Variants in PAPPA2 observed in about 807,000 individuals in gnomAD.
PAPPA2 encodes the protein pappalysin-2.
A neutral mutation model predicts 176.4 loss-of-function variants in PAPPA2; 86 were observed. The ratio of observed to expected loss-of-function variants is 0.49; its 90% CI spans 0.41 to 0.58. The LOEUF is 0.58. PAPPA2 is among the 20% of genes least tolerant of loss of function. The pLI is 0.00. For missense variants in PAPPA2, 2,073 were observed against 2,256.9 expected (o/e 0.92, Z 1.65); for synonymous variants, 809 against 852.2 (o/e 0.95, Z 0.88).
At position 176,840,163 on chromosome 1, in the gene PAPPA2, C is replaced by T. The variant is rs1210385219; in HGVS notation, c.5203-10C>T. 1 of 1,608,130 alleles carries T rather than the reference C, an allele frequency of 6.2e-7. No homozygotes were observed. The highest frequency in any genetic ancestry group is 2.2e-5 in the East Asian group (1 of 44,810). ...CTATACTGAGATGTTGCCTTCTAAC[C>T]TCCCTACAGCCCTTCCAAGCAGATG... is the stretch of plus-strand genomic sequence containing the variant. On this transcript the variant is annotated splice_polypyrimidine_tract_variant and intron_variant, in intron 21 of 22. Transcript: ENST00000367662.
intron 1 of PAPPA2, among the ~76,000 whole-genome samples, chr1:176,534,935 G>T (rs1649991605): frequency 6.6e-6 from 1 of 152,120 alleles, no homozygotes; most frequent in South Asian, 2.1e-4. Context: ...TTTGCAAATT[G>T]CTGAATGTCT....
chr1:176,643,937 A>T (rs1307204009), intron 3 of PAPPA2, among the ~76,000 whole-genome samples: 1 of 151,846 alleles, frequency 6.6e-6, no homozygotes, highest in Non-Finnish European at 1.5e-5. Context: ...CTTGCAGCAG[A>T]GGAGAAGGTG....
At chr1:176,489,336 A>G (rs1003695323) in intron 1 of PAPPA2, among the ~76,000 whole-genome samples, 1 of 152,180 alleles carries the variant, frequency 6.6e-6, no homozygotes, top group Non-Finnish European at 1.5e-5. Context: ...ACTCTAATGT[A>G]TGGGATTTTA....
chr1:176,664,639 A>C (rs1001495608), intron 3 of PAPPA2, among the ~76,000 whole-genome samples: 2 of 152,170 alleles, frequency 1.3e-5, no homozygotes, highest in African/African-American at 2.4e-5. Context: ...TATACTGACT[A>C]CCTTAAAATA....
At chr1:176,802,961 G>C (rs1665746516) in intron 21 of PAPPA2, among the ~76,000 whole-genome samples, 1 of 152,138 alleles carries the variant, frequency 6.6e-6, no homozygotes, top group Non-Finnish European at 1.5e-5. Flanking sequence ...GTTGCTGCTT[G>C]TGTTCCCATT....
intron 1 of PAPPA2, among the ~76,000 whole-genome samples, chr1:176,498,697 C>T (rs1006827196): frequency 1.3e-5 from 2 of 151,348 alleles, no homozygotes; most frequent in Non-Finnish European, 2.9e-5. Flanking sequence ...TTGCAGTGAG[C>T]CGAGATCGCA....
chr1:176,573,872 G>A (rs908462407), intron 2 of PAPPA2, among the ~76,000 whole-genome samples: 1 of 152,074 alleles, frequency 6.6e-6, no homozygotes, highest in Non-Finnish European at 1.5e-5. Context: ...GGGCAGAGCT[G>A]TGCTAGGTCA....
intron 2 of PAPPA2, among the ~76,000 whole-genome samples, chr1:176,582,046 C>T (rs1653011313): frequency 6.6e-6 from 1 of 151,166 alleles, no homozygotes; most frequent in South Asian, 2.1e-4. Context: ...ACCTCAGCCT[C>T]CCGAGTAGCT....
At chr1:176,690,694 A>G (rs1005974777) in intron 5 of PAPPA2, 3 of 1,262,394 alleles carry the variant, frequency 2.4e-6, no homozygotes, top group Non-Finnish European at 2.0e-6. Context: ...ATAGTAAAAA[A>G]GGCACAGAGC....
At chr1:176,469,702 C>T (rs184762309) in intron 1 of PAPPA2, among the ~76,000 whole-genome samples, 1 of 152,262 alleles carries the variant, frequency 6.6e-6, no homozygotes, top group Admixed American at 6.5e-5. Flanking sequence ...TGTTTTATAG[C>T]AAGACTCTGC....
chr1:176,573,285 A>G (rs902224943), intron 2 of PAPPA2, among the ~76,000 whole-genome samples: 10 of 152,168 alleles, frequency 6.6e-5, no homozygotes, highest in African/African-American at 2.2e-4. Context: ...ATGAATTCCT[A>G]TTTTTGTTTA....
rs781397911 is a variant in PAPPA2, at chr1:176,656,121, A to G, written c.1992-14849A>G. ...CTCTCTTTGCTGGTTCCCTGAGCAC[A>G]GGTCCCAGCAACTTAACATATCATC... On this transcript the variant is annotated intron_variant, in intron 3 of 22. Transcript: ENST00000367662. Among the ~76,000 whole-genome samples the G allele has an allele frequency of 8.6e-4, 131 of 151,986 alleles. 1 individual carries two copies. The highest frequency in any genetic ancestry group is 3.4e-3 in the Middle Eastern group (1 of 294).
At chr1:176,553,250 G>A (rs893144148) in intron 1 of PAPPA2, among the ~76,000 whole-genome samples, 2 of 140,470 alleles carry the variant, frequency 1.4e-5, no homozygotes, top group African/African-American at 2.6e-5. Flanking sequence ...GGTGGGTAAG[G>A]CAGGGAGGGG....
rs1009365940 is a variant in PAPPA2 at position 176,739,715 on chromosome 1, A to G, written c.3888A>G (p.Thr1296=). Residue 1296 remains threonine, a synonymous_variant, in exon 13 of 23, where the codon ACA becomes ACG. Transcript: ENST00000367662. Reference sequence around the variant, plus strand: ...TTCCCGGAGAGCATCAGCAGCCGACAGTGACTCTCTACCTGACCGATGTCC... The same window carrying G: ...TTCCCGGAGAGCATCAGCAGCCGACGGTGACTCTCTACCTGACCGATGTCC... ...GLVPGEHQQP[T]VTLYLTDVRG... 2 of 1,613,624 alleles carry G rather than the reference A, an allele frequency of 1.2e-6. No homozygotes were observed. Among genetic ancestry groups the G allele is most frequent in the African/African-American group, 2.7e-5 (2 of 74,898 alleles).
intron 21 of PAPPA2, among the ~76,000 whole-genome samples, chr1:176,828,951 C>T (rs149361228): frequency 6.6e-6 from 1 of 151,604 alleles, no homozygotes; most frequent in African/African-American, 2.4e-5. Context: ...TGCAGTGAGC[C>T]GAGATCATGC....
rs1667543625 is a variant in PAPPA2, at chr1:176,843,081, T to C, written c.*627T>C. Reference sequence around the variant, plus strand: ...TTGTTCCACACATGCTGCTGTGAAGTTCACATTCAAGATGAATGTTGAGAC... The same window carrying C: ...TTGTTCCACACATGCTGCTGTGAAGCTCACATTCAAGATGAATGTTGAGAC... On this transcript the variant is annotated 3_prime_UTR_variant, in exon 23 of 23. Transcript: ENST00000367662. 6.6e-6 allele frequency: 1 copy of C among 151,980 alleles called. No homozygotes were observed. The highest frequency in any genetic ancestry group is 6.6e-5 in the Admixed American group (1 of 15,224). 9.4% of individuals were successfully genotyped at this position (151,980 alleles called of 1,614,324 possible).
chr1:176,812,460 A>G (rs1666196055), intron 21 of PAPPA2, among the ~76,000 whole-genome samples: 1 of 152,176 alleles, frequency 6.6e-6, no homozygotes, highest in African/African-American at 2.4e-5. Context: ...ACTTTGCTCA[A>G]CTAAGACTTC....
intron 12 of PAPPA2, among the ~76,000 whole-genome samples, chr1:176,736,678 C>T (rs1279446676): frequency 6.7e-6 from 1 of 150,260 alleles, no homozygotes; most frequent in Non-Finnish European, 1.5e-5. Context: ...GAAAGGATTT[C>T]TAAATTGCAG....
intron 12 of PAPPA2, among the ~76,000 whole-genome samples, chr1:176,716,778 AT>A (rs1661396381): frequency 6.6e-6 from 1 of 151,064 alleles, no homozygotes; most frequent in African/African-American, 2.4e-5. Flanking sequence ...TGCCCGGCTA[AT>A]TTTTTGTATT....
Sources: gnomAD v4.1 joint callset for allele counts (sites outside exome capture counted in the v4.1 genomes callset) on GRCh38, gnomAD v4.1.1 for gene constraint, MANE v1.5 for transcripts, NCBI Gene and HGNC (gene_info 2026-07-23, HGNC 2026-07-21) for gene names.